The following GRB2 variants were observed in gnomAD, a reference collection of about 807,000 sequenced individuals.
GRB2 encodes the protein growth factor receptor bound protein 2.
GRB2 carries 2 observed loss-of-function variants against 27.4 expected under a neutral mutation model. That is an observed-to-expected ratio of 0.07 (90% CI 0.03 to 0.23). GRB2 has a LOEUF of 0.23. Among genes scored for constraint, GRB2 ranks in the 10% least tolerant of loss-of-function variants. GRB2 has a pLI of 1.00. For missense variants in GRB2, 102 were observed against 282.4 expected (o/e 0.36, Z 4.58); for synonymous variants, 94 against 99.6 (o/e 0.94, Z 0.33).
intron 2 of GRB2, among the ~76,000 whole-genome samples, chr17:75,340,530 G>A (rs188274013): frequency 6.6e-6 from 1 of 152,294 alleles, no homozygotes; most frequent in East Asian, 1.9e-4. Context: ...ACACATGCAT[G>A]CATGCTTTTA....
At chr17:75,344,043 G>A (rs1299910326) in intron 2 of GRB2, among the ~76,000 whole-genome samples, 3 of 152,196 alleles carry the variant, frequency 2.0e-5, no homozygotes, top group Non-Finnish European at 2.9e-5. Flanking sequence ...ACAGTGTGAC[G>A]AATGTCAGGA....
intron 1 of GRB2, among the ~76,000 whole-genome samples, chr17:75,395,788 T>C (rs1043759178): frequency 3.3e-5 from 5 of 152,046 alleles, no homozygotes; most frequent in African/African-American, 9.7e-5. Flanking sequence ...TGTTATGAAA[T>C]ACTACTCACT....
intron 2 of GRB2, among the ~76,000 whole-genome samples, chr17:75,381,197 T>C (rs867971740): frequency 1.3e-5 from 2 of 152,312 alleles, no homozygotes; most frequent in Middle Eastern, 3.4e-3. Flanking sequence ...TGGAAAATGG[T>C]AACATTTTAA....
chr17:75,332,508 T>C (rs568593990), intron 3 of GRB2, among the ~76,000 whole-genome samples, 192 bp downstream of exon 3: 1 of 152,352 alleles, frequency 6.6e-6, no homozygotes, highest in South Asian at 2.1e-4. Flanking sequence ...ATTATCAATC[T>C]AAAACATATA....
chr17:75,382,809 C>T (rs894478655), intron 2 of GRB2, among the ~76,000 whole-genome samples: 1 of 152,100 alleles, frequency 6.6e-6, no homozygotes, highest in African/African-American at 2.4e-5. Context: ...TCCGGGTTCA[C>T]GCCATTCTCC....
At chr17:75,373,030 C>T (rs943141788) in intron 2 of GRB2, 3 of 152,188 alleles carry the variant, frequency 2.0e-5, no homozygotes, top group Non-Finnish European at 4.4e-5. Context: ...CACTTGCGGT[C>T]AGGAGTTTGA....
chr17:75,365,059 GA>G (rs1377591572), intron 2 of GRB2, among the ~76,000 whole-genome samples: 1 of 152,052 alleles, frequency 6.6e-6, no homozygotes, highest in Non-Finnish European at 1.5e-5. Context: ...AAAATCAAAC[GA>G]ATCTTGTACT....
intron 2 of GRB2, among the ~76,000 whole-genome samples, chr17:75,347,061 T>C (rs765496135): frequency 2.8e-4 from 42 of 152,120 alleles, no homozygotes; most frequent in Non-Finnish European, 6.0e-4. Flanking sequence ...AGTCCTTTCC[T>C]TCTCCAGGTT....
intron 2 of GRB2, among the ~76,000 whole-genome samples, chr17:75,359,727 T>C (rs937920471): frequency 1.3e-5 from 2 of 152,054 alleles, no homozygotes; most frequent in Non-Finnish European, 2.9e-5. Flanking sequence ...ATTTTCACAC[T>C]TGTATATGTT....
At chr17:75,381,562 A>T (rs75330766) in intron 2 of GRB2, among the ~76,000 whole-genome samples, 1 of 148,100 alleles carries the variant, frequency 6.8e-6, no homozygotes, top group Non-Finnish European at 1.5e-5. Context: ...TACTAAAAAT[A>T]AAAAAAAAAT....
intron 2 of GRB2, among the ~76,000 whole-genome samples, chr17:75,378,159 G>A (rs534522568): frequency 6.6e-6 from 1 of 152,102 alleles, no homozygotes; most frequent in Non-Finnish European, 1.5e-5. Context: ...GCCGAGGTGG[G>A]GGGGAGGATC....
chr17:75,388,328 C>T (rs1386903975), intron 2 of GRB2, among the ~76,000 whole-genome samples: 2 of 152,034 alleles, frequency 1.3e-5, no homozygotes, highest in Non-Finnish European at 2.9e-5. Flanking sequence ...GTCTCGAACT[C>T]CTGACCTCAA....
At chr17:75,321,895 T>C (rs1207668520) in intron 4 of GRB2, 68 bp from the exon 5 acceptor site, 6 of 1,463,234 alleles carry the variant, frequency 4.1e-6, no homozygotes, top group South Asian at 3.6e-5. Flanking sequence ...GGTATTTCCA[T>C]ATAGGAGCTA....
intron 3 of GRB2, among the ~76,000 whole-genome samples, chr17:75,327,664 C>T (rs1357735100): frequency 2.0e-5 from 3 of 152,160 alleles, no homozygotes; most frequent in South Asian, 2.1e-4. Context: ...CCACCACGCC[C>T]GGCTAATTTA....
intron 2 of GRB2, among the ~76,000 whole-genome samples, chr17:75,383,136 T>C (rs1288703697): frequency 6.6e-6 from 1 of 151,486 alleles, no homozygotes; most frequent in Non-Finnish European, 1.5e-5. Context: ...GACCTTAATA[T>C]CCTTAAAGTA....
At chr17:75,328,001 A>T (rs1024818852) in intron 3 of GRB2, among the ~76,000 whole-genome samples, 1 of 152,112 alleles carries the variant, frequency 6.6e-6, no homozygotes, top group Non-Finnish European at 1.5e-5. Flanking sequence ...GAGAAATCAC[A>T]TATCACTAGA....
At chr17:75,397,333 T>C (rs758972316) in intron 1 of GRB2, among the ~76,000 whole-genome samples, 4 of 152,100 alleles carry the variant, frequency 2.6e-5, no homozygotes, top group Non-Finnish European at 5.9e-5. Context: ...TTTAACAGAG[T>C]AGATGTTGCT....
At chr17:75,346,941 G>C (rs1180889499) in intron 2 of GRB2, among the ~76,000 whole-genome samples, 1 of 152,030 alleles carries the variant, frequency 6.6e-6, no homozygotes, top group East Asian at 1.9e-4. Context: ...TTAATCAATG[G>C]GGAGGCCTGC....
chr17:75,355,980 G>A (rs2078730407), intron 2 of GRB2, among the ~76,000 whole-genome samples: 2 of 151,658 alleles, frequency 1.3e-5, no homozygotes, highest in Admixed American at 6.6e-5. Flanking sequence ...ACAGACGCAC[G>A]CTGCCATGCC....
Sources: allele counts gnomAD v4.1 joint callset (sites outside exome capture counted in the v4.1 genomes callset), GRCh38; gene constraint gnomAD v4.1.1; transcripts MANE v1.5; gene names NCBI Gene and HGNC (gene_info 2026-07-23, HGNC 2026-07-21).